Variants in NFIC observed in about 807,000 individuals in gnomAD.
NFIC encodes the protein nuclear factor 1 C-type.
Under a neutral mutation model 54.4 loss-of-function variants are expected in NFIC, and 12 were observed. The ratio of observed to expected loss-of-function variants is 0.22; its 90% CI spans 0.14 to 0.36. The LOEUF is 0.36. Among genes scored for constraint, NFIC ranks in the 10% least tolerant of loss-of-function variants. The probability of loss-of-function intolerance (pLI) is 1.00; values close to 1 mark genes in which losing one functional copy is unlikely to be tolerated. For synonymous variants in NFIC, 322 were observed against 319.2 expected (o/e 1.01, Z -0.09); for missense variants, 575 against 718.2 (o/e 0.80, Z 2.28).
intron 5 of NFIC, among the ~76,000 whole-genome samples, chr19:3,434,686 A>T (rs534676227): frequency 6.6e-6 from 1 of 152,146 alleles, no homozygotes; most frequent in Non-Finnish European, 1.5e-5. Flanking sequence ...GTTGTTGCTG[A>T]GATATGCTTT....
intron 6 of NFIC, among the ~76,000 whole-genome samples, chr19:3,439,890 G>A (rs1052899602): frequency 3.3e-5 from 5 of 151,408 alleles, no homozygotes; most frequent in African/African-American, 4.8e-5. Flanking sequence ...GGGTTTCACC[G>A]TGTTAGCCAG....
chr19:3,435,541 C>G (rs1366423450), intron 6 of NFIC, among the ~76,000 whole-genome samples: 1 of 152,226 alleles, frequency 6.6e-6, no homozygotes, highest in African/African-American at 2.4e-5. Flanking sequence ...CAGGGCGCCT[C>G]TTCCTGGGAT....
rs1341534160 is a variant in NFIC, at chr19:3,464,640, C to G, written c.*1871C>G. 1.0e-6 allele frequency: 1 copy of G among 983,342 alleles called. No homozygotes were observed. Among genetic ancestry groups the G allele is most frequent in the Non-Finnish European group, 1.2e-6 (1 of 828,836 alleles). The allele number at this position is 983,342 out of a possible 1,614,324, so 60.9% of individuals were successfully genotyped here. A position where few individuals can be genotyped will look rare whatever the true frequency, so the allele number is the denominator to read the frequency against. ...GGCAGGTCTCCGGGTCTCACCTGCT[C>G]CTAGCCTCACCCCCCTGCCCCCGAA... On this transcript the variant is annotated 3_prime_UTR_variant, in exon 11 of 11. Transcript: ENST00000443272.
chr19:3,404,142 C>A (rs377582921), intron 2 of NFIC, among the ~76,000 whole-genome samples: 4 of 152,274 alleles, frequency 2.6e-5, no homozygotes, highest in Admixed American at 6.5e-5. Flanking sequence ...CCTTCTCCCC[C>A]CCCCGTCACA....
chr19:3,385,956 C>T (rs1334787507), intron 2 of NFIC, among the ~76,000 whole-genome samples: 1 of 152,142 alleles, frequency 6.6e-6, no homozygotes, highest in Non-Finnish European at 1.5e-5. Context: ...ATCCTCCCGC[C>T]TTGGCCTCCC....
Position 3,451,777 on chromosome 19 carries a change from C to T in NFIC, c.1085-705C>T, listed in dbSNP as rs2082466908. On this transcript the variant is annotated intron_variant, in intron 7 of 10. Transcript: ENST00000443272. Reference sequence around the variant, plus strand: ...ATGCCGTGTGGCCCCAGGCAGGTGACACATCCCCTGAAGGCCACCCTGTCA... The same window carrying T: ...ATGCCGTGTGGCCCCAGGCAGGTGATACATCCCCTGAAGGCCACCCTGTCA... 2.0e-5 allele frequency among the ~76,000 whole-genome samples: 3 copies of T among 148,324 alleles called. No individual in the cohort carries two copies. The Admixed American group carries it at 2.0e-4, about 10-fold the overall frequency.
chr19:3,429,681 C>T (rs1185834780), intron 3 of NFIC, among the ~76,000 whole-genome samples: 1 of 152,134 alleles, frequency 6.6e-6, no homozygotes, highest in East Asian at 1.9e-4. Context: ...CCGTGCTGCC[C>T]CCTGGGGGCC....
At position 3,425,089 on chromosome 19, in the gene NFIC, C is replaced by T; in HGVS notation, c.563-17C>T. The T allele has an allele frequency of 1.2e-6, 2 of 1,613,022 alleles. No individual in the cohort carries two copies. The highest frequency in any genetic ancestry group is 1.7e-6 in the Non-Finnish European group (2 of 1,179,784). On this transcript the variant is annotated splice_polypyrimidine_tract_variant and intron_variant, in intron 2 of 10. Transcript: ENST00000443272. ...GGTCTCTGTGATGCCACCAGTGTTT[C>T]TTCCCTCTCTTTGCAGATGCAGAGC...
At chr19:3,413,765 C>T (rs7250779) in intron 2 of NFIC, among the ~76,000 whole-genome samples, 143,424 of 152,010 alleles carry the variant, frequency 0.94, 67,703 homozygotes, top group East Asian at 0.97. Context: ...GCCTCCGGAG[C>T]AGCTGGGATT....
chr19:3,390,592 C>T (rs1017794738), intron 2 of NFIC, among the ~76,000 whole-genome samples: 5 of 152,110 alleles, frequency 3.3e-5, no homozygotes, highest in African/African-American at 1.2e-4. Flanking sequence ...ATAATCCTGC[C>T]CACCTAATAG....
At position 3,467,789 on chromosome 19, in the gene NFIC, A is replaced by ATATATATATATATATATATATATATAT. The variant is rs1176215106; in HGVS notation, c.*5020_*5021insTATATATATATATATATATATATATAT. 1.8e-4 allele frequency: 23 copies of ATATATATATATATATATATATATATAT among 129,352 alleles called. No individual in the cohort carries two copies. The highest frequency in any genetic ancestry group is 4.1e-4 in the African/African-American group (13 of 32,010). 8.0% of individuals were successfully genotyped at this position (129,352 alleles called of 1,614,324 possible). ...TATATATATATATATATATATATAT[A>ATATATATATATATATATATATATATAT]ATTTTGGAATTTGTTTCTCATAATA... On this transcript the variant is annotated 3_prime_UTR_variant, in exon 11 of 11. Coordinates refer to ENST00000443272, the MANE Select transcript of NFIC (RefSeq NM_001245002.2).
chr19:3,385,707 G>A (rs1292102121), intron 2 of NFIC, among the ~76,000 whole-genome samples: 2 of 151,388 alleles, frequency 1.3e-5, no homozygotes, highest in Admixed American at 6.6e-5. Context: ...CGAGTAGCTG[G>A]GACTACACAT....
intron 2 of NFIC, among the ~76,000 whole-genome samples, chr19:3,421,385 C>T (rs1419413641): frequency 2.0e-5 from 3 of 152,202 alleles, no homozygotes; most frequent in Non-Finnish European, 4.4e-5. Flanking sequence ...TCCTTCCCAA[C>T]GTCATGGCCA....
chr19:3,366,554 G>C (rs1167332486), upstream of NFIC: 7 of 643,116 alleles, frequency 1.1e-5, no homozygotes, highest in Non-Finnish European at 1.6e-5. Flanking sequence ...GGTTGGGGGG[G>C]GCGGGGGGGT....
intron 1 of NFIC, among the ~76,000 whole-genome samples, chr19:3,360,803 G>A (rs2080801200): frequency 6.6e-6 from 1 of 152,232 alleles, no homozygotes; most frequent in Admixed American, 6.5e-5. Context: ...GCGTGTCCCT[G>A]GGTGACCGTG....
At chr19:3,438,690 G>A (rs1441197767) in intron 6 of NFIC, among the ~76,000 whole-genome samples, 3 of 152,018 alleles carry the variant, frequency 2.0e-5, no homozygotes, top group Non-Finnish European at 4.4e-5. Flanking sequence ...GCCCATCTCG[G>A]CCTCCCAAAG....
intron 3 of NFIC, among the ~76,000 whole-genome samples, chr19:3,425,867 G>A (rs1440429758): frequency 1.4e-5 from 2 of 145,482 alleles, no homozygotes; most frequent in Non-Finnish European, 3.0e-5. Flanking sequence ...CGATCCTCCT[G>A]CCTTAGCCTC....
intron 2 of NFIC, among the ~76,000 whole-genome samples, chr19:3,422,712 G>A (rs1180668501): frequency 2.0e-5 from 3 of 151,420 alleles, no homozygotes; most frequent in Admixed American, 6.6e-5. Flanking sequence ...GCGAGACTCT[G>A]TCTCAAAAAA....
intron 2 of NFIC, among the ~76,000 whole-genome samples, chr19:3,387,124 G>A (rs765855507): frequency 1.4e-4 from 21 of 152,228 alleles, no homozygotes; most frequent in Non-Finnish European, 1.2e-4. Flanking sequence ...GGCCTTGGCT[G>A]GCCTCTTGGA....
Sources: gnomAD v4.1 joint callset for allele counts (sites outside exome capture counted in the v4.1 genomes callset) on GRCh38, gnomAD v4.1.1 for gene constraint, MANE v1.5 for transcripts, NCBI Gene and HGNC (gene_info 2026-07-23, HGNC 2026-07-21) for gene names.